Variants in SORCS2 observed in about 807,000 individuals in gnomAD.
SORCS2 encodes the protein VPS10 domain-containing receptor SorCS2.
SORCS2 carries 100 observed loss-of-function variants against 141.6 expected under a neutral mutation model. That is an observed-to-expected ratio of 0.71 (90% CI 0.60 to 0.83). The LOEUF is 0.83. Among genes scored for constraint, SORCS2 ranks in the 40% least tolerant of loss-of-function variants. SORCS2 has a pLI of 0.00. For synonymous variants in SORCS2, 789 were observed against 676.9 expected (o/e 1.17, Z -2.57); for missense variants, 1,646 against 1,560.2 (o/e 1.05, Z -0.93).
chr4:7,505,360 T>C (rs1732215641), intron 2 of SORCS2, among the ~76,000 whole-genome samples: 1 of 151,924 alleles, frequency 6.6e-6, no homozygotes, highest in Non-Finnish European at 1.5e-5. Context: ...CTCACTGAAT[T>C]GTCTCACTGA....
intron 3 of SORCS2, among the ~76,000 whole-genome samples, chr4:7,614,130 A>C (rs57158898): frequency 6.8e-6 from 1 of 147,074 alleles, no homozygotes; most frequent in Non-Finnish European, 1.5e-5. Flanking sequence ...CCCACTGTCC[A>C]TCCATCCCAT....
Position 7,289,462 on chromosome 4 carries a change from G to C in SORCS2, c.480+96336G>C, listed in dbSNP as rs554602990. ...TGCCACCCTGCCTAGCACTGAGTGG[G>C]TGCTCAGTCAATATCTGCTGATAGG... On this transcript the variant is annotated intron_variant, in intron 1 of 26. Coordinates refer to ENST00000507866, the MANE Select transcript of SORCS2 (RefSeq NM_020777.3). Among the ~76,000 whole-genome samples, 24 of 152,310 alleles carry C rather than the reference G, an allele frequency of 1.6e-4. 1 individual carries two copies. Among genetic ancestry groups the C allele is most frequent in the Non-Finnish European group, 2.8e-4 (19 of 68,026 alleles).
chr4:7,388,038 G>GCA (rs777937858), intron 1 of SORCS2, among the ~76,000 whole-genome samples: 3 of 104,784 alleles, frequency 2.9e-5, no homozygotes, highest in African/African-American at 4.0e-5. Flanking sequence ...ACGCACACAT[G>GCA]CACACACACA....
chr4:7,474,654 C>T (rs958556216), intron 2 of SORCS2, among the ~76,000 whole-genome samples: 2 of 152,168 alleles, frequency 1.3e-5, no homozygotes, highest in African/African-American at 4.8e-5. Context: ...ACAGAGTCAG[C>T]AGATGAGGGG....
intron 1 of SORCS2, among the ~76,000 whole-genome samples, chr4:7,384,088 C>G (rs909402280): frequency 6.6e-6 from 1 of 152,230 alleles, no homozygotes; most frequent in Admixed American, 6.5e-5. Context: ...TGTCCAATGC[C>G]TGTGCATGAA....
intron 18 of SORCS2, among the ~76,000 whole-genome samples, chr4:7,723,093 C>T (rs1182284909): frequency 6.6e-6 from 1 of 152,152 alleles, no homozygotes. Context: ...GGTGGAGCGG[C>T]CTCTCTGGGT....
intron 1 of SORCS2, among the ~76,000 whole-genome samples, chr4:7,373,474 A>AT (rs1560228416): frequency 1.9e-4 from 10 of 52,450 alleles, no homozygotes; most frequent in African/African-American, 1.2e-3. Context: ...ATATATATAT[A>AT]TATATTTTTT....
Position 7,589,390 on chromosome 4 carries a change from G to GT in SORCS2, c.649-48930dup, listed in dbSNP as rs1174775616. 6.0e-4 allele frequency among the ~76,000 whole-genome samples: 14 copies of GT among 23,332 alleles called. No homozygotes were observed. In the South Asian group the frequency reaches 7.8e-3, roughly 13 times the overall value. 15.3% of individuals were successfully genotyped at this position (23,332 alleles called of 152,430 possible). On this transcript the variant is annotated intron_variant, in intron 3 of 26. Coordinates refer to ENST00000507866, the MANE Select transcript of SORCS2 (RefSeq NM_020777.3). ...AGGCATGCCCTCTTGGCTGAGACCC[G>GT]TTTTTTTTGTTTGTTTGTTTGTTTT... is the stretch of plus-strand genomic sequence containing the variant.
intron 1 of SORCS2, among the ~76,000 whole-genome samples, chr4:7,312,596 A>G (rs797000857): frequency 1.8e-4 from 28 of 152,008 alleles, no homozygotes; most frequent in Admixed American, 1.6e-3. Context: ...CCTCCCTCCT[A>G]TGTCAAGCTT....
intron 4 of SORCS2, among the ~76,000 whole-genome samples, chr4:7,647,757 C>A (rs1450848263): frequency 6.6e-6 from 1 of 152,210 alleles, no homozygotes; most frequent in Non-Finnish European, 1.5e-5. Flanking sequence ...GGCCGTGGTT[C>A]CTTGGGCAAC....
At chr4:7,611,091 A>C (rs1718374283) in intron 3 of SORCS2, among the ~76,000 whole-genome samples, 1 of 152,178 alleles carries the variant, frequency 6.6e-6, no homozygotes, top group African/African-American at 2.4e-5. Flanking sequence ...CCCAGCACCC[A>C]CACGTCTACA....
chr4:7,353,365 C>T (rs1721064268), intron 1 of SORCS2, among the ~76,000 whole-genome samples: 1 of 152,200 alleles, frequency 6.6e-6, no homozygotes, highest in Non-Finnish European at 1.5e-5. Flanking sequence ...GACCTGTAGT[C>T]AGCTACTAGG....
intron 2 of SORCS2, chr4:7,430,969 C>A (rs1375657433): frequency 3.9e-5 from 6 of 152,386 alleles, no homozygotes; most frequent in African/African-American, 1.4e-4. Flanking sequence ...GGCAGCCACT[C>A]CCCACGAGCA....
At chr4:7,262,179 C>T (rs1714379008) in intron 1 of SORCS2, among the ~76,000 whole-genome samples, 1 of 142,174 alleles carries the variant, frequency 7.0e-6, no homozygotes, top group Non-Finnish European at 1.5e-5. Context: ...CCCACCCACC[C>T]ATCTATGCAT....
At chr4:7,476,903 A>G (rs1309059698) in intron 2 of SORCS2, among the ~76,000 whole-genome samples, 2 of 152,116 alleles carry the variant, frequency 1.3e-5, no homozygotes, top group Non-Finnish European at 2.9e-5. Context: ...CAAATCTCCA[A>G]CTCAGTGCTA....
intron 10 of SORCS2, among the ~76,000 whole-genome samples, chr4:7,687,524 C>G (rs566181895): frequency 6.6e-6 from 1 of 152,246 alleles, no homozygotes; most frequent in South Asian, 2.1e-4. Flanking sequence ...CCGGAACCCT[C>G]AGATGGCTCT....
At chr4:7,666,566 C>T (rs1722517718) in intron 7 of SORCS2, among the ~76,000 whole-genome samples, 1 of 152,168 alleles carries the variant, frequency 6.6e-6, no homozygotes, top group Admixed American at 6.5e-5. Flanking sequence ...GTGCTGGTGG[C>T]TCAGGAAGCT....
chr4:7,380,323 A>G (rs62280085), intron 1 of SORCS2, among the ~76,000 whole-genome samples: 4 of 152,280 alleles, frequency 2.6e-5, no homozygotes, highest in Admixed American at 6.5e-5. Flanking sequence ...GTGGTTTCAT[A>G]GAGAAGCTGA....
intron 1 of SORCS2, among the ~76,000 whole-genome samples, chr4:7,297,223 C>A (rs1400868874): frequency 6.6e-6 from 1 of 152,160 alleles, no homozygotes; most frequent in African/African-American, 2.4e-5. Context: ...GTCTGAGTCA[C>A]CCCGGCACTC....
Sources: gnomAD v4.1 joint callset for allele counts (sites outside exome capture counted in the v4.1 genomes callset) on GRCh38, gnomAD v4.1.1 for gene constraint, MANE v1.5 for transcripts, NCBI Gene and HGNC (gene_info 2026-07-23, HGNC 2026-07-21) for gene names.